The following FASTKD1 variants were observed in gnomAD, a reference collection of about 807,000 sequenced individuals.
The protein encoded by FASTKD1 is FAST kinase domain-containing protein 1, mitochondrial.
In FASTKD1, 94 loss-of-function variants were observed where a neutral mutation model predicts 90.9. The ratio of observed to expected loss-of-function variants is 1.03; its 90% confidence interval spans 0.88 to 1.23. FASTKD1 has a LOEUF of 1.23. Among genes scored for constraint, FASTKD1 ranks in the 50% most tolerant of loss-of-function variants. The pLI, the probability that FASTKD1 is intolerant of heterozygous loss-of-function variation, is 0.00. For synonymous variants in FASTKD1, 319 were observed against 345.8 expected, an observed-to-expected ratio of 0.92 and a Z score of 0.86; for missense variants, 945 against 993.5, an observed-to-expected ratio of 0.95 and a Z score of 0.66.
At chr2:169,544,209 G>C (rs1685082210) in intron 9 of FASTKD1, among the ~76,000 whole-genome samples, 1 of 152,170 alleles carries the variant, frequency 6.6e-6, no homozygotes. Flanking sequence ...TACACGGTGA[G>C]TATATATGTG....
chr2:169,548,813 G>A (rs1380395745), intron 7 of FASTKD1, among the ~76,000 whole-genome samples: 1 of 151,670 alleles, frequency 6.6e-6, no homozygotes, highest in Non-Finnish European at 1.5e-5. Context: ...ACAAAATTGA[G>A]GCTGGGCGCG....
In FASTKD1 at chr2:169,562,024, A is replaced by G. The variant is rs1362435392; in HGVS notation, c.572+1201T>C. On this transcript the variant is annotated intron_variant, in intron 4 of 14. Transcript: ENST00000453153. ...TTATTCATTAATTTATTGTAAATTA[A>G]TTATTTATTAATTTATTGTAAATTA... is the stretch of plus-strand genomic sequence containing the variant. Among the ~76,000 whole-genome samples the G allele has an allele frequency of 2.6e-5, 3 of 115,698 alleles. 1 individual carries two copies. Among genetic ancestry groups the G allele is most frequent in the African/African-American group, 9.9e-5 (3 of 30,372 alleles). The allele number at this position is 115,698 out of a possible 152,430, so 75.9% of individuals were successfully genotyped here. A position where few individuals can be genotyped will look rare whatever the true frequency, so the allele number is the denominator to read the frequency against.
intron 14 of FASTKD1, 55 bp downstream of exon 14, chr2:169,530,532 G>A: frequency 1.1e-6 from 1 of 946,318 alleles, no homozygotes. Flanking sequence ...GGAAGCACAT[G>A]TACAGCTAGT....
intron 8 of FASTKD1, 124 bp from the exon 9 acceptor site, chr2:169,544,959 A>T: frequency 1.8e-6 from 1 of 557,576 alleles, no homozygotes; most frequent in East Asian, 3.0e-5. Flanking sequence ...TAAATGTATC[A>T]CCCTGCTTAT....
chr2:169,565,192 C>T (rs528454304), intron 3 of FASTKD1, among the ~76,000 whole-genome samples: 19 of 145,350 alleles, frequency 1.3e-4, no homozygotes, highest in Non-Finnish European at 1.0e-4. Flanking sequence ...CTCAGGTAAT[C>T]AGCCCGCCTC....
intron 3 of FASTKD1, among the ~76,000 whole-genome samples, chr2:169,566,947 T>G (rs1010893308): frequency 1.3e-5 from 2 of 152,086 alleles, no homozygotes; most frequent in Non-Finnish European, 2.9e-5. Flanking sequence ...AAACCCTGTC[T>G]CTACTAAAAA....
chr2:169,555,089 T>C (rs533460039), intron 7 of FASTKD1, 35 bp downstream of exon 7: 30 of 1,584,432 alleles, frequency 1.9e-5, no homozygotes, highest in Non-Finnish European at 2.2e-5. Flanking sequence ...GGCTAGAAAA[T>C]GAAACACTAA....
At chr2:169,567,086 G>A (rs1437426698) in intron 3 of FASTKD1, among the ~76,000 whole-genome samples, 8 of 151,186 alleles carry the variant, frequency 5.3e-5, no homozygotes, top group Admixed American at 3.3e-4. Context: ...CTACGCTCCC[G>A]CCTGGGCAAC....
rs1373933836 is a variant in FASTKD1, at chr2:169,562,049, A to G, written c.572+1176T>C. Among the ~76,000 whole-genome samples, 13 of 130,422 alleles carry G rather than the reference A, an allele frequency of 1.0e-4. 5 individuals are homozygous for G. Among genetic ancestry groups the G allele is most frequent in the African/African-American group, 3.4e-4 (12 of 35,002 alleles). 85.6% of individuals were successfully genotyped at this position (130,422 alleles called of 152,430 possible). On this transcript the variant is annotated intron_variant, in intron 4 of 14. Transcript: ENST00000453153. ...ATTATTTATTAATTTATTGTAAATTAATTATTTATTAATTTATTGTAAAAT... is the reference window on the plus strand; with the variant it reads ...ATTATTTATTAATTTATTGTAAATTGATTATTTATTAATTTATTGTAAAAT...
At chr2:169,559,445 T>A (rs1202277189) in intron 5 of FASTKD1, among the ~76,000 whole-genome samples, 1 of 152,242 alleles carries the variant, frequency 6.6e-6, no homozygotes, top group African/African-American at 2.4e-5. Flanking sequence ...TTATTTTTTC[T>A]TTTGAGACAA....
chr2:169,544,889 A>C (rs1685119519), intron 8 of FASTKD1, 54 bp from the exon 9 acceptor site: 1 of 941,250 alleles, frequency 1.1e-6, no homozygotes, highest in Non-Finnish European at 1.6e-6. Context: ...AATAAGACAA[A>C]ATTTTAACCT....
At chr2:169,548,094 A>ATCTT (rs2105368442) in intron 7 of FASTKD1, among the ~76,000 whole-genome samples, 1 of 151,606 alleles carries the variant, frequency 6.6e-6, no homozygotes, top group Admixed American at 6.6e-5. Flanking sequence ...AAACAGGAAG[A>ATCTT]CCTGTTCTGA....
intron 13 of FASTKD1, chr2:169,530,930 A>G (rs766699321): frequency 1.4e-6 from 1 of 697,134 alleles, no homozygotes; most frequent in African/African-American, 1.7e-5. Context: ...TTTTGGTCCA[A>G]TATATATTTA....
At chr2:169,545,070 A>G (rs1685128285) in intron 8 of FASTKD1, among the ~76,000 whole-genome samples, 1 of 152,214 alleles carries the variant, frequency 6.6e-6, no homozygotes, top group South Asian at 2.1e-4. Context: ...GATAATTTAC[A>G]AATTTATTTT....
At position 169,554,549 on chromosome 2, in the gene FASTKD1, AGCTACTCGGG is replaced by A. The variant is rs1354832577; in HGVS notation, c.1214+565_1214+574del. Among the ~76,000 whole-genome samples, 445 of 146,702 alleles carry A rather than the reference AGCTACTCGGG, an allele frequency of 3.0e-3. 33 individuals carry two copies. The highest frequency in any genetic ancestry group is 4.4e-3 in the Non-Finnish European group (291 of 65,578). On this transcript the variant is annotated intron_variant, in intron 7 of 14. Coordinates refer to ENST00000453153, the MANE Select transcript of FASTKD1 (RefSeq NM_024622.6). ...TGTGGTGGTATGTGCCTGTATTCCC[AGCTACTCGGG>A]AGGCTGAGGCAGGAGAATTGCTTGA... is the stretch of plus-strand genomic sequence containing the variant.
chr2:169,569,278 A>G (rs1417344790), intron 2 of FASTKD1, 26 bp from the exon 3 acceptor site: 1 of 1,597,316 alleles, frequency 6.3e-7, no homozygotes, highest in Non-Finnish European at 8.6e-7. Context: ...AGAATCCTCC[A>G]TACATAATCA....
At chr2:169,539,940 A>G in intron 10 of FASTKD1, 111 bp downstream of exon 10, 1 of 573,252 alleles carries the variant, frequency 1.7e-6, no homozygotes, top group Non-Finnish European at 2.8e-6. Flanking sequence ...CATGAATACT[A>G]TTAGAAACAG....
At chr2:169,572,587 G>T (rs2105449873) in intron 1 of FASTKD1, among the ~76,000 whole-genome samples, 1 of 151,280 alleles carries the variant, frequency 6.6e-6, no homozygotes, top group East Asian at 1.9e-4. Context: ...TATGGTCTCA[G>T]GTTTATTTGC....
chr2:169,540,238 T>C, intron 9 of FASTKD1, 59 bp from the exon 10 acceptor site: 1 of 1,403,428 alleles, frequency 7.1e-7, no homozygotes, highest in Non-Finnish European at 9.6e-7. Context: ...TATACACTTA[T>C]AATTTATTCA....
Sources: gnomAD v4.1 joint callset for allele counts (sites outside exome capture counted in the v4.1 genomes callset) on GRCh38, gnomAD v4.1.1 for gene constraint, MANE v1.5 for transcripts, NCBI Gene and HGNC (gene_info 2026-07-23, HGNC 2026-07-21) for gene names.